MINAR2: variants seen among roughly 807,000 people sequenced by gnomAD.
MINAR2 encodes major intrinsically disordered NOTCH2-binding receptor 1-like.
Under a neutral mutation model 16.1 loss-of-function variants are expected in MINAR2, and 21 were observed. That is an observed-to-expected ratio of 1.31 (90% CI 0.93 to 1.88). The LOEUF (loss-of-function observed/expected upper bound fraction) is 1.88, where lower values mean the gene tolerates loss of function less well. Among genes scored for constraint, MINAR2 ranks in the 40% most tolerant of loss-of-function variants. The probability of loss-of-function intolerance (pLI) is 0.00; values close to 1 mark genes in which losing one functional copy is unlikely to be tolerated. For synonymous variants in MINAR2, 86 were observed against 83.0 expected (o/e 1.04, Z -0.20); for missense variants, 259 against 229.8 (o/e 1.13, Z -0.82).
At chr5:129,764,380 A>G (rs570415754) in intron 2 of MINAR2, among the ~76,000 whole-genome samples, 118 of 152,328 alleles carry the variant, frequency 7.7e-4, no homozygotes, top group Middle Eastern at 3.4e-3. Flanking sequence ...TACTACTTCC[A>G]TGAAAGTCAG....
At chr5:129,750,830 G>A (rs1757976779) in intron 1 of MINAR2, among the ~76,000 whole-genome samples, 2 of 152,168 alleles carry the variant, frequency 1.3e-5, no homozygotes, top group Non-Finnish European at 2.9e-5. Context: ...CATGGTGGTT[G>A]AGGGGATGTA....
At position 129,764,990 on chromosome 5, in the gene MINAR2, G is replaced by T. The variant is rs777994154; in HGVS notation, c.500G>T (p.Arg167Leu). ...EKQEKHSKFC[R>L]MGLILLVVIS... ...CAAGAGAAGCATTCAAAATTCTGTC[G>T]TATGGGTCTGATTTTACTTGTCGTT... The change falls in exon 3 of 3, where the codon CGT becomes CTT. Residue 167 changes from arginine (R) to leucine (L), a missense_variant. Physicochemically the swap from Arg to Leu is moderately radical, Grantham distance 102. Transcript: ENST00000564719. The T allele has an allele frequency of 2.9e-6, 4 of 1,392,796 alleles. No individual in the cohort carries two copies. The highest frequency in any genetic ancestry group is 2.8e-6 in the Non-Finnish European group (3 of 1,071,360). 86.3% of individuals were successfully genotyped at this position (1,392,796 alleles called of 1,614,324 possible).
chr5:129,764,884 G>T lies in MINAR2; in HGVS notation c.394G>T (p.Glu132Ter). The T allele has an allele frequency of 7.7e-7, 1 of 1,302,616 alleles. No individual in the cohort carries two copies. The highest frequency in any genetic ancestry group is 9.8e-7 in the Non-Finnish European group (1 of 1,023,744). The allele number at this position is 1,302,616 out of a possible 1,614,324, so 80.7% of individuals were successfully genotyped here. A position where few individuals can be genotyped will look rare whatever the true frequency, so the allele number is the denominator to read the frequency against. ...TATTCTCTATGTAATTTTCTTTTAG[G>T]AAAATCCTAATGACCTGCGGTTTTG... ...LHTNLSGHLK[E>*]NPNDLRFWLG... Residue 132 changes from glutamate (E) to a stop codon, truncating the protein, a stop_gained and splice_region_variant, in exon 3 of 3, where the codon GAA becomes TAA. Transcript: ENST00000564719. LOFTEE classifies it high-confidence loss of function.
At chr5:129,748,806 C>T (rs1286132814) in intron 1 of MINAR2, among the ~76,000 whole-genome samples, 1 of 152,118 alleles carries the variant, frequency 6.6e-6, no homozygotes, top group African/African-American at 2.4e-5. Context: ...TAGACTAGCT[C>T]CCTTTCATAG....
Position 129,749,569 on chromosome 5 carries a change from CT to C in MINAR2, c.165+1221del, listed in dbSNP as rs982845541. ...TGTTGTTGTTGTATTTGTAGGCGTT[CT>C]TTTTTTAAGTTTTAAATGAAATGAA... On this transcript the variant is annotated intron_variant, in intron 1 of 2. Coordinates refer to ENST00000564719, the MANE Select transcript of MINAR2 (RefSeq NM_001257308.2). Among the ~76,000 whole-genome samples, 7 of 152,122 alleles carry C rather than the reference CT, an allele frequency of 4.6e-5. No homozygotes were observed. In the East Asian group the frequency reaches 7.7e-4, roughly 17 times the overall value.
intron 2 of MINAR2, among the ~76,000 whole-genome samples, chr5:129,762,095 A>C (rs1758143806): frequency 6.6e-6 from 1 of 152,092 alleles, no homozygotes; most frequent in Admixed American, 6.6e-5. Flanking sequence ...ACGGGTTCAT[A>C]GGTGCAGCAA....
intron 1 of MINAR2, among the ~76,000 whole-genome samples, chr5:129,751,277 C>T (rs1011757592): frequency 1.3e-5 from 2 of 151,976 alleles, no homozygotes; most frequent in South Asian, 2.1e-4. Flanking sequence ...GGCACAATCT[C>T]GGTTCACTAC....
At chr5:129,763,626 G>GTAGA (rs1480383373) in intron 2 of MINAR2, among the ~76,000 whole-genome samples, 1 of 152,146 alleles carries the variant, frequency 6.6e-6, no homozygotes. Flanking sequence ...TAGGCATGAG[G>GTAGA]TAGATGAGGA....
At chr5:129,762,402 T>C (rs1050372837) in intron 2 of MINAR2, 2 of 197,348 alleles carry the variant, frequency 1.0e-5, no homozygotes, top group Non-Finnish European at 2.4e-5. Context: ...CAGGCAAGGC[T>C]GAACATTCCA....
rs1757940692 is a variant in MINAR2 at position 129,748,265 on chromosome 5, G to A, written c.75G>A (p.Arg25=). Residue 25 remains arginine (R), a synonymous_variant, in exon 1 of 3, where the codon AGG becomes AGA. Coordinates refer to ENST00000564719, the MANE Select transcript of MINAR2 (RefSeq NM_001257308.2). ...AGCTTGACGTAAAGTCTTTAACGAG[G>A]AGCTCAGCCCTCCTTCAGGCCAGCC... ...FLQLDVKSLT[R]SSALLQASLV... 6.5e-7 allele frequency: 1 copy of A among 1,535,228 alleles called. No homozygotes were observed. Among genetic ancestry groups the A allele is most frequent in the African/African-American group, 1.4e-5 (1 of 73,128 alleles).
intron 1 of MINAR2, among the ~76,000 whole-genome samples, chr5:129,759,317 A>T (rs567716840): frequency 6.6e-6 from 1 of 152,246 alleles, no homozygotes; most frequent in Admixed American, 6.5e-5. Flanking sequence ...ATTAAAGATT[A>T]TCTAAAATTA....
At chr5:129,761,877 A>G (rs1340288945) in intron 2 of MINAR2, among the ~76,000 whole-genome samples, 1 of 152,166 alleles carries the variant, frequency 6.6e-6, no homozygotes, top group Admixed American at 6.6e-5. Flanking sequence ...AACAGACAAT[A>G]ACTATAGAAC....
rs542693682 is a variant in MINAR2, at chr5:129,750,408, T to C, written c.165+2053T>C. 3.3e-5 allele frequency among the ~76,000 whole-genome samples: 5 copies of C among 152,228 alleles called. No individual in the cohort carries two copies. The South Asian group carries it at 6.2e-4, about 19-fold the overall frequency. ...TCTTAATTTAAAGCTCACACTCCAT[T>C]GGGGAGTCAGTAAGTCAATGGGAAG... On this transcript the variant is annotated intron_variant, in intron 1 of 2. Coordinates refer to ENST00000564719, the MANE Select transcript of MINAR2 (RefSeq NM_001257308.2).
rs2149547628 is a variant in MINAR2 at position 129,765,967 on chromosome 5, A to G, written c.*904A>G. ...AACAGGGCTGGCCAAAGGACCAAAT[A>G]CAAAACAGGTATGAACAGTATCTGG... is the stretch of plus-strand genomic sequence containing the variant. On this transcript the variant is annotated 3_prime_UTR_variant, in exon 3 of 3. Coordinates refer to ENST00000564719, the MANE Select transcript of MINAR2 (RefSeq NM_001257308.2). The G allele has an allele frequency of 6.6e-6, 1 of 152,374 alleles. No homozygotes were observed. The highest frequency in any genetic ancestry group is 6.5e-5 in the Admixed American group (1 of 15,302). 9.4% of individuals were successfully genotyped at this position (152,374 alleles called of 1,614,324 possible).
chr5:129,758,941 C>A (rs1423376833), intron 1 of MINAR2, among the ~76,000 whole-genome samples: 4 of 151,934 alleles, frequency 2.6e-5, no homozygotes, highest in African/African-American at 9.7e-5. Context: ...GACCAAGGAC[C>A]TATTAAACTC....
intron 1 of MINAR2, among the ~76,000 whole-genome samples, chr5:129,758,074 T>C (rs1376551948): frequency 1.3e-5 from 2 of 152,120 alleles, no homozygotes; most frequent in African/African-American, 4.8e-5. Flanking sequence ...ATGATTAAAG[T>C]GTATAAATGA....
chr5:129,759,809 G>C (rs1360073498), intron 1 of MINAR2, among the ~76,000 whole-genome samples: 1 of 131,584 alleles, frequency 7.6e-6, no homozygotes, highest in Non-Finnish European at 1.8e-5. Context: ...CTGAAAATCA[G>C]TATTAGAGCT....
intron 2 of MINAR2, among the ~76,000 whole-genome samples, 152 bp from the exon 3 acceptor site, chr5:129,764,732 G>A (rs923147863): frequency 7.9e-5 from 12 of 152,112 alleles, no homozygotes; most frequent in African/African-American, 1.9e-4. Flanking sequence ...GCCTCATACC[G>A]CTCATGTGAG....
At chr5:129,748,843 A>G (rs1757950325) in intron 1 of MINAR2, among the ~76,000 whole-genome samples, 1 of 152,154 alleles carries the variant, frequency 6.6e-6, no homozygotes, top group Non-Finnish European at 1.5e-5. Context: ...AGAAAACAGA[A>G]CAATGGAAAC....
Sources: allele counts gnomAD v4.1 joint callset (sites outside exome capture counted in the v4.1 genomes callset), GRCh38; gene constraint gnomAD v4.1.1; transcripts MANE v1.5; gene names NCBI Gene and HGNC (gene_info 2026-07-23, HGNC 2026-07-21).